The following PPP1R36 variants were observed in gnomAD, a reference collection of about 807,000 sequenced individuals.
PPP1R36 encodes the protein chromosome 14 open reading frame 50.
Under a neutral mutation model 53.4 loss-of-function variants are expected in PPP1R36, and 47 were observed. The ratio of observed to expected loss-of-function variants is 0.88; its 90% confidence interval spans 0.70 to 1.12. The LOEUF is 1.12. Among genes scored for constraint, PPP1R36 ranks in the 50% most tolerant of loss-of-function variants. The pLI, the probability that PPP1R36 is intolerant of heterozygous loss-of-function variation, is 0.00. For synonymous variants in PPP1R36, 153 were observed against 170.5 expected, an observed-to-expected ratio of 0.90 and a Z score of 0.80; for missense variants, 456 against 513.9, an observed-to-expected ratio of 0.89 and a Z score of 1.09.
chr14:64,570,927 T>C (rs1183113351), intron 7 of PPP1R36, among the ~76,000 whole-genome samples: 1 of 152,216 alleles, frequency 6.6e-6, no homozygotes, highest in Admixed American at 6.5e-5. Context: ...GTACCATACC[T>C]AGGAGATGAC....
Position 64,589,196 on chromosome 14 carries a change from C to T in PPP1R36, c.1127C>T (p.Thr376Met), listed in dbSNP as rs111575025. The T allele has an allele frequency of 4.5e-5, 72 of 1,613,962 alleles. No homozygotes were observed. The Admixed American group carries it at 5.2e-4, about 12-fold the overall frequency. ...GEPRCLFNPH[T>M]LHPLDPEENT... ...CCTCGATGTCTATTCAACCCACATA[C>T]GCTTCACCCCCTTGATCCAGAAGAA... The change falls in exon 12 of 12, where the codon ACG becomes ATG. Residue 376 changes from threonine (T) to methionine (M), a missense_variant. Transcript: ENST00000298705.
At chr14:64,582,677 AATG>A (rs1451219174) in intron 8 of PPP1R36, among the ~76,000 whole-genome samples, 1 of 152,184 alleles carries the variant, frequency 6.6e-6, no homozygotes, top group Non-Finnish European at 1.5e-5. Context: ...TCTATATTGA[AATG>A]ATAATATTTT....
chr14:64,565,614 T>G lies in PPP1R36; in HGVS notation c.368-12T>G. On this transcript the variant is annotated splice_polypyrimidine_tract_variant and intron_variant, in intron 5 of 11. Coordinates refer to ENST00000298705, the MANE Select transcript of PPP1R36 (RefSeq NM_172365.3). The stretch of plus-strand genomic sequence containing the variant: ...TTTGTCCCTCTCTCAATTGTTCATT[T>G]TCTCTTTTCAGTTGTTACTTTGCTT... 1 of 1,611,652 alleles carries G rather than the reference T, an allele frequency of 6.2e-7. No homozygotes were observed. Among genetic ancestry groups the G allele is most frequent in the Non-Finnish European group, 8.5e-7 (1 of 1,177,816 alleles).
At chr14:64,574,188 AAC>A (rs1303575930) in intron 7 of PPP1R36, among the ~76,000 whole-genome samples, 1 of 152,026 alleles carries the variant, frequency 6.6e-6, no homozygotes, top group African/African-American at 2.4e-5. Flanking sequence ...TAGCCTGGAC[AAC>A]AGAGTGAGAC....
intron 7 of PPP1R36, among the ~76,000 whole-genome samples, chr14:64,569,658 C>G (rs2080287859): frequency 6.6e-6 from 1 of 151,954 alleles, no homozygotes; most frequent in South Asian, 2.1e-4. Context: ...GGCACTTTGG[C>G]TTATTACATT....
intron 8 of PPP1R36, chr14:64,586,553 A>G (rs967204378): frequency 3.5e-6 from 1 of 284,712 alleles, no homozygotes; most frequent in East Asian, 6.0e-5. Context: ...CCAACACTCA[A>G]ATTACCAGAA....
intron 8 of PPP1R36, among the ~76,000 whole-genome samples, chr14:64,583,830 A>G (rs1414785477): frequency 1.3e-5 from 2 of 151,196 alleles, no homozygotes; most frequent in Non-Finnish European, 3.0e-5. Flanking sequence ...AAAAAAAAAA[A>G]AAAGAGAGAA....
chr14:64,561,381 C>A (rs1206531751), intron 3 of PPP1R36, among the ~76,000 whole-genome samples: 4 of 152,186 alleles, frequency 2.6e-5, no homozygotes, highest in African/African-American at 9.6e-5. Flanking sequence ...GCAGATTGTA[C>A]CCTGATGGGG....
At chr14:64,588,535 T>C (rs1399168223) in intron 11 of PPP1R36, 1 of 400,690 alleles carries the variant, frequency 2.5e-6, no homozygotes, top group East Asian at 3.6e-5. Flanking sequence ...ATAGTTCTAG[T>C]TTGGAGGAGT....
At chr14:64,574,936 G>A (rs2080331152) in intron 8 of PPP1R36, among the ~76,000 whole-genome samples, 1 of 152,220 alleles carries the variant, frequency 6.6e-6, no homozygotes, top group Non-Finnish European at 1.5e-5. Context: ...GGTAGTGCAG[G>A]GGGATTAGGT....
intron 3 of PPP1R36, among the ~76,000 whole-genome samples, chr14:64,556,617 T>TTTTTG (rs1357799913): frequency 4.7e-5 from 7 of 149,074 alleles, no homozygotes; most frequent in Non-Finnish European, 1.5e-5. Flanking sequence ...TTTTTTTTTT[T>TTTTTG]TTTTTAATTA....
In PPP1R36 at chr14:64,587,423, CCTTTCTTTT is replaced by C. The variant is rs776335398; in HGVS notation, c.890+56_890+64del. The C allele has an allele frequency of 7.2e-6, 5 of 698,292 alleles. No individual in the cohort carries two copies. The South Asian group carries it at 1.7e-4, about 23-fold the overall frequency. 43.3% of individuals were successfully genotyped at this position (698,292 alleles called of 1,614,324 possible). A position where few individuals can be genotyped will look rare whatever the true frequency, so the allele number is the denominator to read the frequency against. On this transcript the variant is annotated intron_variant, in intron 10 of 11. Transcript: ENST00000298705. ...TCAGGGGTATTTCTTTTCTTCCTTT[CCTTTCTTTT>C]CTTTTCTTTTTTCTCCTTTTTTTTT...
chr14:64,564,518 C>G (rs375910912), intron 3 of PPP1R36, among the ~76,000 whole-genome samples: 1 of 152,268 alleles, frequency 6.6e-6, no homozygotes. Context: ...TTCAGATATT[C>G]TGTGTGTGGT....
intron 3 of PPP1R36, among the ~76,000 whole-genome samples, chr14:64,558,362 G>A (rs2080175224): frequency 6.6e-6 from 1 of 152,124 alleles, no homozygotes; most frequent in South Asian, 2.1e-4. Context: ...AGGGTCGCTT[G>A]AACCCAGGAG....
chr14:64,550,349 G>T, intron 1 of PPP1R36: 1 of 1,138,426 alleles, frequency 8.8e-7, no homozygotes, highest in Non-Finnish European at 1.1e-6. Context: ...AAAATAGGGA[G>T]ACCTACTGCG....
intron 8 of PPP1R36, among the ~76,000 whole-genome samples, chr14:64,577,875 G>A (rs61987036): frequency 0.16 from 24,519 of 151,126 alleles, 2,290 homozygotes; most frequent in East Asian, 0.22. Context: ...ACAGGCGCCC[G>A]CCACCACGCC....
intron 8 of PPP1R36, among the ~76,000 whole-genome samples, chr14:64,585,584 GAGGCTGAGGTGGGTACC>G (rs537066726): frequency 5.5e-4 from 84 of 151,722 alleles, no homozygotes; most frequent in African/African-American, 2.0e-3. Context: ...AGCTTCTTGT[GAGGCTGAGGTGGGTACC>G]AGGCTCTCCA....
intron 9 of PPP1R36, 38 bp from the exon 10 acceptor site, chr14:64,587,156 A>G (rs576276304): frequency 6.6e-7 from 1 of 1,504,900 alleles, no homozygotes; most frequent in Non-Finnish European, 9.1e-7. Context: ...TCCATTTCAC[A>G]GCTAAGGATC....
At chr14:64,585,163 A>G (rs1475002422) in intron 8 of PPP1R36, among the ~76,000 whole-genome samples, 1 of 152,052 alleles carries the variant, frequency 6.6e-6, no homozygotes, top group African/African-American at 2.4e-5. Flanking sequence ...ATGGTTCTGG[A>G]GAGCCTGGTA....
Sources: gnomAD v4.1 joint callset for allele counts (sites outside exome capture counted in the v4.1 genomes callset) on GRCh38, gnomAD v4.1.1 for gene constraint, MANE v1.5 for transcripts, NCBI Gene and HGNC (gene_info 2026-07-23, HGNC 2026-07-21) for gene names.